MYO5B: variants seen among roughly 807,000 people sequenced by gnomAD.
MYO5B encodes myosin VB, also known as unconventional myosin-Vb.
MYO5B carries 143 observed loss-of-function variants against 229.3 expected under a neutral mutation model. The observed-to-expected ratio is 0.62, with a 90% CI of 0.54 to 0.72. The LOEUF (loss-of-function observed/expected upper bound fraction) is 0.72. MYO5B is among the 30% of genes least tolerant of loss of function. The pLI is 0.00. For synonymous variants in MYO5B, 918 were observed against 885.2 expected, an observed-to-expected ratio of 1.04 and a Z score of -0.66; for missense variants, 2,321 against 2,331.0, an observed-to-expected ratio of 1.00 and a Z score of 0.09.
chr18:49,941,811 G>A (rs1355418096), intron 14 of MYO5B, among the ~76,000 whole-genome samples: 6 of 96,720 alleles, frequency 6.2e-5, no homozygotes, highest in East Asian at 4.3e-4. Flanking sequence ...TTTCTTCACA[G>A]AATTGGAAAA....
intron 4 of MYO5B, among the ~76,000 whole-genome samples, chr18:50,025,430 C>G (rs2026320003): frequency 6.6e-6 from 1 of 152,154 alleles, no homozygotes; most frequent in Non-Finnish European, 1.5e-5. Flanking sequence ...AAACTCCAGC[C>G]CGGAACTCCT....
At chr18:49,902,563 G>A (rs767543034) in intron 21 of MYO5B, 31 bp downstream of exon 21, 40 of 1,606,574 alleles carry the variant, frequency 2.5e-5, no homozygotes, top group African/African-American at 4.0e-5. Context: ...CCAAGCCCCC[G>A]ACACCCAGGT....
intron 21 of MYO5B, among the ~76,000 whole-genome samples, chr18:49,896,171 G>GT (rs2024776901): frequency 6.6e-6 from 1 of 152,176 alleles, no homozygotes; most frequent in South Asian, 2.1e-4. Flanking sequence ...CTTGGACCCT[G>GT]TAAAATGCCA....
intron 4 of MYO5B, among the ~76,000 whole-genome samples, chr18:50,025,142 A>G (rs1161852102): frequency 6.6e-6 from 1 of 152,168 alleles, no homozygotes; most frequent in Non-Finnish European, 1.5e-5. Context: ...TTGAATATTA[A>G]AAAACATTTT....
intron 17 of MYO5B, among the ~76,000 whole-genome samples, chr18:49,919,691 T>C (rs910275058): frequency 1.7e-4 from 26 of 152,168 alleles, no homozygotes; most frequent in Admixed American, 7.2e-4. Context: ...TGAGAATGCA[T>C]AGAAACGGGA....
intron 4 of MYO5B, among the ~76,000 whole-genome samples, chr18:50,007,487 T>A (rs116806902): frequency 1.5e-3 from 222 of 152,330 alleles, no homozygotes; most frequent in African/African-American, 5.2e-3. Context: ...ATCGGACCAT[T>A]CTTCTCCCTT....
In MYO5B at chr18:49,864,379, C is replaced by T; in HGVS notation, c.3605G>A (p.Arg1202Lys). ...NADLAYNSLK[R>K]QELESENKKL... ...TTTGTTCTCTGACTCCAGCTCTTGCCTCTGGAAGACAGCCCAAGGGCCGCT... is the reference window on the plus strand; with the variant it reads ...TTTGTTCTCTGACTCCAGCTCTTGCTTCTGGAAGACAGCCCAAGGGCCGCT... The change falls in exon 28 of 40, where the codon AGG becomes AAG. Residue 1202 changes from arginine (R) to lysine (K), a missense_variant and splice_region_variant. Coordinates refer to ENST00000285039, the MANE Select transcript of MYO5B (RefSeq NM_001080467.3). The T allele has an allele frequency of 6.2e-7, 1 of 1,613,144 alleles. No individual in the cohort carries two copies. Among genetic ancestry groups the T allele is most frequent in the Non-Finnish European group, 8.5e-7 (1 of 1,180,040 alleles).
chr18:49,888,794 G>T (rs2024675813), intron 22 of MYO5B, among the ~76,000 whole-genome samples: 1 of 152,182 alleles, frequency 6.6e-6, no homozygotes, highest in East Asian at 1.9e-4. Flanking sequence ...TTCTTTACTG[G>T]TTACTTTCTT....
intron 4 of MYO5B, among the ~76,000 whole-genome samples, chr18:50,019,291 G>A (rs537887967): frequency 1.3e-4 from 20 of 152,236 alleles, no homozygotes; most frequent in Non-Finnish European, 2.2e-4. Flanking sequence ...GATGGGTAAC[G>A]ACTAAGCCAC....
rs140958079 is a variant in MYO5B, at chr18:49,836,105, G to A, written c.5313+606C>T. Reference sequence around the variant, plus strand: ...GGTGTTCACTTTGCTATATTAAGATGTGTTTTTCTGTACTGAGTTTGGATT... The same window carrying A: ...GGTGTTCACTTTGCTATATTAAGATATGTTTTTCTGTACTGAGTTTGGATT... On this transcript the variant is annotated intron_variant, in intron 38 of 39. Transcript: ENST00000285039. 6.4e-3 allele frequency among the ~76,000 whole-genome samples: 969 copies of A among 152,302 alleles called. 5 individuals carry two copies. Among genetic ancestry groups the A allele is most frequent in the African/African-American group, 0.023 (947 of 41,560 alleles).
chr18:49,974,399 G>A lies in MYO5B; in HGVS notation c.1273C>T (p.His425Tyr), dbSNP rs1403094516. The A allele has an allele frequency of 1.9e-6, 3 of 1,614,076 alleles. No individual in the cohort carries two copies. The highest frequency in any genetic ancestry group is 2.5e-6 in the Non-Finnish European group (3 of 1,180,028). ...AAGGAGTGCTGCTTGAGGGAGGTGT[G>A]CAGGGCCTTGTTGATGTGCTCCACA... Reference protein sequence around the residue: ...WIVEHINKALHTSLKQHSFIG... With the variant: ...WIVEHINKALYTSLKQHSFIG... The change falls in exon 10 of 40, where the codon CAC becomes TAC. Residue 425 changes from histidine to tyrosine, a missense_variant. By Grantham distance (83) the His-to-Tyr change is moderately conservative (BLOSUM62 2). This residue lies in a region of MYO5B where 2,113 missense variants were observed against 2,044.7 expected (regional missense o/e 1.03). Coordinates refer to ENST00000285039, the MANE Select transcript of MYO5B (RefSeq NM_001080467.3).
chr18:50,099,577 C>A (rs1431195269), intron 1 of MYO5B, among the ~76,000 whole-genome samples: 1 of 152,184 alleles, frequency 6.6e-6, no homozygotes, highest in Non-Finnish European at 1.5e-5. Flanking sequence ...CTACTACCAA[C>A]AGGCCACCAC....
At chr18:50,016,666 A>G (rs2026218820) in intron 4 of MYO5B, among the ~76,000 whole-genome samples, 1 of 152,182 alleles carries the variant, frequency 6.6e-6, no homozygotes, top group East Asian at 1.9e-4. Flanking sequence ...TCTGAGATGT[A>G]ATTCATATAT....
intron 2 of MYO5B, among the ~76,000 whole-genome samples, chr18:50,050,746 G>T (rs1028688736): frequency 2.0e-5 from 3 of 152,192 alleles, no homozygotes; most frequent in South Asian, 2.1e-4. Flanking sequence ...TTCATGGGTT[G>T]TAACACTGCC....
chr18:50,095,431 A>C (rs537779735), intron 1 of MYO5B, among the ~76,000 whole-genome samples: 4 of 152,334 alleles, frequency 2.6e-5, no homozygotes, highest in African/African-American at 9.6e-5. Context: ...AAGTTTAATC[A>C]CCGTGACATT....
chr18:49,884,221 C>T (rs2024619413), intron 22 of MYO5B, among the ~76,000 whole-genome samples: 2 of 152,178 alleles, frequency 1.3e-5, no homozygotes, highest in Non-Finnish European at 2.9e-5. Context: ...ATTTTCAAAT[C>T]ACCTATCTGA....
At chr18:50,015,587 TA>T (rs1219307752) in intron 4 of MYO5B, among the ~76,000 whole-genome samples, 1 of 152,250 alleles carries the variant, frequency 6.6e-6, no homozygotes, top group Non-Finnish European at 1.5e-5. Context: ...TTTTCAGTTT[TA>T]AGTTAAATAT....
At chr18:50,133,206 A>G (rs771880781) in intron 1 of MYO5B, among the ~76,000 whole-genome samples, 10 of 152,180 alleles carry the variant, frequency 6.6e-5, no homozygotes, top group Non-Finnish European at 1.2e-4. Flanking sequence ...TACATATCCC[A>G]GGCAAAAAGA....
intron 31 of MYO5B, chr18:49,850,896 C>A (rs1422862502): frequency 6.5e-6 from 1 of 152,694 alleles, no homozygotes; most frequent in Non-Finnish European, 1.5e-5. Flanking sequence ...TTAACCAACT[C>A]TTGGGGCCAC....
Sources: allele counts gnomAD v4.1 joint callset (sites outside exome capture counted in the v4.1 genomes callset), GRCh38; gene constraint gnomAD v4.1.1; regional missense constraint gnomAD v4.1.1; transcripts MANE v1.5; gene names NCBI Gene and HGNC (gene_info 2026-07-23, HGNC 2026-07-21).